The following L3MBTL2 variants were observed in gnomAD, a reference collection of about 807,000 sequenced individuals.
The protein encoded by L3MBTL2 is L3MBTL histone methyl-lysine binding protein 2, also known as lethal(3)malignant brain tumor-like protein 2.
A neutral mutation model predicts 86.4 loss-of-function variants in L3MBTL2; 49 were observed. The observed-to-expected ratio is 0.57, with a 90% CI of 0.45 to 0.72. The LOEUF is 0.72. L3MBTL2 is among the 30% of genes least tolerant of loss of function. The pLI, the probability that L3MBTL2 is intolerant of heterozygous loss-of-function variation, is 0.00. For synonymous variants in L3MBTL2, 336 were observed against 350.6 expected, an observed-to-expected ratio of 0.96 and a Z score of 0.47; for missense variants, 755 against 923.7, an observed-to-expected ratio of 0.82 and a Z score of 2.37.
intron 5 of L3MBTL2, chr22:41,219,176 G>A (rs1416000311): frequency 2.3e-6 from 1 of 426,136 alleles, no homozygotes; most frequent in Non-Finnish European, 4.4e-6. Context: ...TTAGGACTCG[G>A]TTCTGTCTGA....
chr22:41,230,222 G>C lies in L3MBTL2; in HGVS notation c.2089G>C (p.Glu697Gln). The C allele has an allele frequency of 1.2e-6, 2 of 1,613,498 alleles. No individual in the cohort carries two copies. The highest frequency in any genetic ancestry group is 1.7e-6 in the Non-Finnish European group (2 of 1,179,946). ...AAGTCCAGAGCTGCCTGTCTCCGTC[G>C]AGAACATCAAGCAGGAAACAGACGA... ...ASSPELPVSV[E>Q]NIKQETDD The change falls in exon 17 of 17, where the codon GAG (glutamate) becomes CAG (glutamine). Residue 697 changes from glutamate to glutamine, a missense_variant. Coordinates refer to ENST00000216237, the MANE Select transcript of L3MBTL2 (RefSeq NM_031488.5).
chr22:41,227,081 T>C lies in L3MBTL2; in HGVS notation c.1588-8T>C. On this transcript the variant is annotated splice_polypyrimidine_tract_variant and splice_region_variant and intron_variant, in intron 13 of 16. Coordinates refer to ENST00000216237, the MANE Select transcript of L3MBTL2 (RefSeq NM_031488.5). This position sits in a 1 kb window ranked among gnomAD's most constrained non-coding sequence, Gnocchi z 6.0. ...TGGCTTGGCCACTGCCTCCTTTTTC[T>C]GCCCCAGGATTGCCCAAACCATGGC... 1 of 1,604,676 alleles carries C rather than the reference T, an allele frequency of 6.2e-7. No individual in the cohort carries two copies.
In L3MBTL2 at chr22:41,215,243, C is replaced by T. The variant is rs184137941; in HGVS notation, c.397-896C>T. ...CATTTTGTAGATTTTACTTAAGGCACCGAAAGATCCCTCTCTTCCGAGAGC... is the reference window on the plus strand; with the variant it reads ...CATTTTGTAGATTTTACTTAAGGCATCGAAAGATCCCTCTCTTCCGAGAGC... On this transcript the variant is annotated intron_variant, in intron 3 of 16. Coordinates refer to ENST00000216237, the MANE Select transcript of L3MBTL2 (RefSeq NM_031488.5). 1.4e-4 allele frequency among the ~76,000 whole-genome samples: 21 copies of T among 152,170 alleles called. No individual in the cohort carries two copies. The East Asian group carries it at 3.7e-3, about 27-fold the overall frequency.
rs879533154 is a variant in L3MBTL2, at chr22:41,222,614, G to GA, written c.942+1341dup. Among the ~76,000 whole-genome samples the GA allele has an allele frequency of 6.9e-3, 925 of 133,358 alleles. 2 individuals are homozygous for GA. The highest frequency in any genetic ancestry group is 0.011 in the Admixed American group (140 of 13,284). 87.5% of individuals were successfully genotyped at this position (133,358 alleles called of 152,430 possible). A position where few individuals can be genotyped will look rare whatever the true frequency, so the allele number is the denominator to read the frequency against. On this transcript the variant is annotated intron_variant, in intron 8 of 16. Coordinates refer to ENST00000216237, the MANE Select transcript of L3MBTL2 (RefSeq NM_031488.5). ...GCAACACTGTGAGACTTCGTCTCTT[G>GA]AAAAAAAAAAAAAACATTAGCTAGG...
rs777612999 is a variant in L3MBTL2 at position 41,224,961 on chromosome 22, T to C, written c.1252-6T>C. 6.2e-7 allele frequency: 1 copy of C among 1,612,634 alleles called. No homozygotes were observed. The highest frequency in any genetic ancestry group is 8.5e-7 in the Non-Finnish European group (1 of 1,179,034). ...AGGGAGTCCCCAGCTGTCCCATTCCTTTAAGGTACGAGCAGTCTACACAGA... is the reference window on the plus strand; with the variant it reads ...AGGGAGTCCCCAGCTGTCCCATTCCCTTAAGGTACGAGCAGTCTACACAGA... On this transcript the variant is annotated splice_polypyrimidine_tract_variant and splice_region_variant and intron_variant, in intron 10 of 16. Coordinates refer to ENST00000216237, the MANE Select transcript of L3MBTL2 (RefSeq NM_031488.5). The surrounding 1 kb of genome is among the most constrained non-coding windows in gnomAD (Gnocchi z 4.9).
At chr22:41,207,236 CTTTTT>C (rs753351369) in intron 1 of L3MBTL2, among the ~76,000 whole-genome samples, 9 of 120,506 alleles carry the variant, frequency 7.5e-5, no homozygotes, top group East Asian at 2.5e-4. Context: ...CCCCCAAATC[CTTTTT>C]TTTTTTTTTT....
In L3MBTL2 at chr22:41,227,454, G is replaced by C. The variant is rs557005815; in HGVS notation, c.1822+131G>C. The C allele has an allele frequency of 3.0e-5, 36 of 1,194,842 alleles. No homozygotes were observed. The South Asian group carries it at 4.5e-4, about 15-fold the overall frequency. The allele number at this position is 1,194,842 out of a possible 1,614,324, so 74.0% of individuals were successfully genotyped here. On this transcript the variant is annotated intron_variant, in intron 14 of 16. Transcript: ENST00000216237. This position sits in a 1 kb window ranked among gnomAD's most constrained non-coding sequence, Gnocchi z 6.0. ...TGTCTCATGGACCACTTTAAGTAGA[G>C]AGTGAGCCCCGTCACCCAGCCCCTG... is the stretch of plus-strand genomic sequence containing the variant.
Position 41,225,261 on chromosome 22 carries a change from C to T in L3MBTL2, c.1356+190C>T, listed in dbSNP as rs536139651. On this transcript the variant is annotated intron_variant, in intron 11 of 16. Coordinates refer to ENST00000216237, the MANE Select transcript of L3MBTL2 (RefSeq NM_031488.5). The surrounding 1 kb of genome is among the most constrained non-coding windows in gnomAD (Gnocchi z 4.1). ...CCTTGCTCAGAATCTGCTTTCGTGT[C>T]AGGGTCCAAGGCTCCCTGGACGAGT... Among the ~76,000 whole-genome samples the T allele has an allele frequency of 6.6e-6, 1 of 152,318 alleles. No individual in the cohort carries two copies. Among genetic ancestry groups the T allele is most frequent in the East Asian group, 1.9e-4 (1 of 5,178 alleles).
chr22:41,205,453 C>G lies in L3MBTL2; in HGVS notation c.24+67C>G, dbSNP rs556275775. 2.9e-4 allele frequency: 461 copies of G among 1,578,704 alleles called. 8 individuals carry two copies. In the Admixed American group the frequency reaches 7.5e-3, roughly 26 times the overall value. ...CGAGAGCCTCGCTCCGTGGGCCCTT[C>G]TTTAGGGCTTTTAGCGACGCCTGGA... On this transcript the variant is annotated intron_variant, in intron 1 of 16. Transcript: ENST00000216237.
At chr22:41,209,091 CCTTAGGATATTTCA>C (rs2030494945) in intron 1 of L3MBTL2, 1 of 152,724 alleles carries the variant, frequency 6.5e-6, no homozygotes, top group African/African-American at 2.4e-5. Flanking sequence ...TTGTGAAGTA[CCTTAGGATATTTCA>C]CTTTTTTTTT....
chr22:41,223,209 G>A (rs566463002), intron 8 of L3MBTL2, among the ~76,000 whole-genome samples: 3 of 152,296 alleles, frequency 2.0e-5, no homozygotes, highest in African/African-American at 4.8e-5. Flanking sequence ...CCTCTGAGAC[G>A]CTTTCCTTCC....
At chr22:41,228,623 G>T in intron 15 of L3MBTL2, 1 of 569,036 alleles carries the variant, frequency 1.8e-6, no homozygotes, top group Non-Finnish European at 2.2e-6. Context: ...GGCCGAGGTG[G>T]GCGGATCATG....
intron 1 of L3MBTL2, 75 bp downstream of exon 1, chr22:41,205,461 C>A: frequency 6.5e-7 from 1 of 1,533,138 alleles, no homozygotes; most frequent in Non-Finnish European, 9.0e-7. Context: ...TTCTTTAGGG[C>A]TTTTAGCGAC....
At chr22:41,216,891 C>T in intron 4 of L3MBTL2, 1 of 480,586 alleles carries the variant, frequency 2.1e-6, no homozygotes, top group South Asian at 2.8e-5. Flanking sequence ...TTGAATGTTC[C>T]TCTACTCCTG....
chr22:41,223,007 G>C (rs1482501782), intron 8 of L3MBTL2, among the ~76,000 whole-genome samples: 1 of 152,190 alleles, frequency 6.6e-6, no homozygotes, highest in Non-Finnish European at 1.5e-5. Context: ...ACATGGCAGG[G>C]AAGGCAGCCC....
chr22:41,218,590 C>G (rs915488988), intron 5 of L3MBTL2: 1 of 152,166 alleles, frequency 6.6e-6, no homozygotes, highest in African/African-American at 2.4e-5. Flanking sequence ...GCAACTGAAA[C>G]AGTCCAGTGC....
In L3MBTL2 at chr22:41,227,115, G is replaced by C; in HGVS notation, c.1614G>C (p.Val538=). Residue 538 remains valine (V), a synonymous_variant, in exon 14 of 17, where the codon GTG becomes GTC. Coordinates refer to ENST00000216237, the MANE Select transcript of L3MBTL2 (RefSeq NM_031488.5). The surrounding 1 kb of genome is among the most constrained non-coding windows in gnomAD (Gnocchi z 6.0). ...ATTGCCCAAACCATGGCTTCAAGGT[G>C]GGCATGAAGCTGGAGGCCGTGGACC... The part of the protein sequence containing the change: ...NMDCPNHGFK[V]GMKLEAVDLM... 1 of 1,613,290 alleles carries C rather than the reference G, an allele frequency of 6.2e-7. No homozygotes were observed. The highest frequency in any genetic ancestry group is 8.5e-7 in the Non-Finnish European group (1 of 1,179,866).
Position 41,218,868 on chromosome 22 carries a change from C to T in L3MBTL2, c.601-551C>T, listed in dbSNP as rs376200407. 45 of 152,720 alleles carry T rather than the reference C, an allele frequency of 2.9e-4. No homozygotes were observed. The East Asian group carries it at 6.4e-3, about 22-fold the overall frequency. 9.5% of individuals were successfully genotyped at this position (152,720 alleles called of 1,614,324 possible). On this transcript the variant is annotated intron_variant, in intron 5 of 16. Coordinates refer to ENST00000216237, the MANE Select transcript of L3MBTL2 (RefSeq NM_031488.5). Reference sequence around the variant, plus strand: ...CTCGAACTCCCAGCCTCAGGTGATCCGCCCGTCTCGGCCTCCCAAAGTGCT... The same window carrying T: ...CTCGAACTCCCAGCCTCAGGTGATCTGCCCGTCTCGGCCTCCCAAAGTGCT...
Position 41,224,385 on chromosome 22 carries a change from T to C in L3MBTL2, c.1174+134T>C, listed in dbSNP as rs1043730183. Reference sequence around the variant, plus strand: ...CCCCCCTGCAGTGATGATACTGAGCTCCAGAGAGCTTGAGTAACTTGACAA... The same window carrying C: ...CCCCCCTGCAGTGATGATACTGAGCCCCAGAGAGCTTGAGTAACTTGACAA... On this transcript the variant is annotated intron_variant, in intron 9 of 16. Transcript: ENST00000216237. This position sits in a 1 kb window ranked among gnomAD's most constrained non-coding sequence, Gnocchi z 4.9. 1 of 649,934 alleles carries C rather than the reference T, an allele frequency of 1.5e-6. No individual in the cohort carries two copies. Among genetic ancestry groups the C allele is most frequent in the Non-Finnish European group, 2.6e-6 (1 of 379,468 alleles). 40.3% of individuals were successfully genotyped at this position (649,934 alleles called of 1,614,324 possible). A position where few individuals can be genotyped will look rare whatever the true frequency, so the allele number is the denominator to read the frequency against.
Sources: allele counts gnomAD v4.1 joint callset (sites outside exome capture counted in the v4.1 genomes callset), GRCh38; gene constraint gnomAD v4.1.1; non-coding constraint Gnocchi (gnomAD v3.1); transcripts MANE v1.5; gene names NCBI Gene and HGNC (gene_info 2026-07-23, HGNC 2026-07-21).